The following SLC25A21 variants were observed in gnomAD, a reference collection of about 807,000 sequenced individuals.
SLC25A21 encodes solute carrier family 25 member 21.
SLC25A21 carries 47 observed loss-of-function variants against 43.8 expected under a neutral mutation model. That is an observed-to-expected ratio of 1.07 (90% CI 0.85 to 1.37). SLC25A21 has a LOEUF of 1.37. SLC25A21 is among the 40% of genes most tolerant of loss of function. SLC25A21 has a pLI of 0.00. For synonymous variants in SLC25A21, 131 were observed against 121.3 expected, an observed-to-expected ratio of 1.08 and a Z score of -0.52; for missense variants, 352 against 350.2, an observed-to-expected ratio of 1.00 and a Z score of -0.04.
At chr14:36,902,435 A>G (rs540090855) in intron 1 of SLC25A21, among the ~76,000 whole-genome samples, 5 of 124,920 alleles carry the variant, frequency 4.0e-5, no homozygotes, top group African/African-American at 1.6e-4. Context: ...AGTATCGTAT[A>G]GTAAAACACA....
chr14:36,704,540 C>G (rs1474532367), intron 7 of SLC25A21, among the ~76,000 whole-genome samples: 1 of 151,646 alleles, frequency 6.6e-6, no homozygotes, highest in African/African-American at 2.4e-5. Flanking sequence ...ACCTGTAATC[C>G]CAGCTACTCA....
At chr14:36,884,819 G>C (rs1890867158) in intron 1 of SLC25A21, among the ~76,000 whole-genome samples, 1 of 151,886 alleles carries the variant, frequency 6.6e-6, no homozygotes, top group Non-Finnish European at 1.5e-5. Flanking sequence ...ATTTTTAATG[G>C]GGTATCTGTT....
At chr14:36,905,364 A>T (rs1238980425) in intron 1 of SLC25A21, among the ~76,000 whole-genome samples, 20 of 152,170 alleles carry the variant, frequency 1.3e-4, no homozygotes, top group Admixed American at 1.0e-3. Flanking sequence ...AACTTTCTCA[A>T]TGCATATTGA....
intron 1 of SLC25A21, among the ~76,000 whole-genome samples, chr14:36,903,353 T>TA (rs1210354093): frequency 1.3e-5 from 2 of 152,050 alleles, no homozygotes; most frequent in Non-Finnish European, 2.9e-5. Context: ...AGTGTTCTTT[T>TA]AAAAATAAAT....
intron 3 of SLC25A21, among the ~76,000 whole-genome samples, chr14:36,769,191 G>T (rs900754198): frequency 3.9e-5 from 6 of 152,158 alleles, no homozygotes; most frequent in African/African-American, 1.4e-4. Flanking sequence ...TGATCACGGG[G>T]CTCCTCCTCA....
At chr14:36,894,047 T>C (rs1253647114) in intron 1 of SLC25A21, among the ~76,000 whole-genome samples, 5 of 152,210 alleles carry the variant, frequency 3.3e-5, no homozygotes, top group Admixed American at 3.3e-4. Flanking sequence ...CCATATGAAC[T>C]TTAAAGTAGT....
chr14:36,789,570 T>C (rs1284357778), intron 3 of SLC25A21, among the ~76,000 whole-genome samples: 2 of 150,470 alleles, frequency 1.3e-5, no homozygotes, highest in African/African-American at 2.4e-5. Flanking sequence ...ACAAACATGT[T>C]TGTAGGCAAG....
intron 1 of SLC25A21, among the ~76,000 whole-genome samples, chr14:36,904,991 T>C (rs187035951): frequency 6.6e-6 from 1 of 152,318 alleles, no homozygotes; most frequent in African/African-American, 2.4e-5. Context: ...CCTATTTAGA[T>C]ATGATTAGAA....
intron 1 of SLC25A21, among the ~76,000 whole-genome samples, chr14:37,018,839 A>G (rs1217759819): frequency 1.3e-5 from 2 of 152,100 alleles, no homozygotes; most frequent in South Asian, 4.2e-4. Flanking sequence ...CTGACTAATG[A>G]CATTATTTTT....
intron 3 of SLC25A21, among the ~76,000 whole-genome samples, chr14:36,795,652 CATG>C (rs1304110787): frequency 6.6e-6 from 1 of 152,108 alleles, no homozygotes; most frequent in Non-Finnish European, 1.5e-5. Context: ...ACTGTGGATC[CATG>C]ATGGACAGTG....
At chr14:37,143,490 A>T (rs1175659541) in intron 1 of SLC25A21, among the ~76,000 whole-genome samples, 1 of 152,262 alleles carries the variant, frequency 6.6e-6, no homozygotes, top group Non-Finnish European at 1.5e-5. Context: ...TGAAAAGCAG[A>T]TTGTAAACAG....
intron 4 of SLC25A21, 28 bp downstream of exon 4, chr14:36,734,479 G>T (rs764702904): frequency 1.9e-6 from 3 of 1,577,076 alleles, no homozygotes; most frequent in Non-Finnish European, 2.6e-6. Context: ...CCCTACTTTT[G>T]CTTGGTGCGA....
chr14:36,801,130 C>G (rs1051291398), intron 3 of SLC25A21, among the ~76,000 whole-genome samples: 1 of 152,108 alleles, frequency 6.6e-6, no homozygotes, highest in South Asian at 2.1e-4. Context: ...GCTTACAGAG[C>G]CCTTCCACCT....
At chr14:37,083,775 A>G (rs1436135062) in intron 1 of SLC25A21, among the ~76,000 whole-genome samples, 1 of 152,182 alleles carries the variant, frequency 6.6e-6, no homozygotes, top group African/African-American at 2.4e-5. Flanking sequence ...TCTATGTTTA[A>G]CCAAGCCCTC....
At chr14:37,051,741 T>C (rs1961710756) in intron 1 of SLC25A21, among the ~76,000 whole-genome samples, 2 of 152,202 alleles carry the variant, frequency 1.3e-5, no homozygotes, top group South Asian at 4.1e-4. Context: ...GGCCACCTGG[T>C]AGTTGCTGTG....
chr14:37,048,376 C>A (rs535197776), intron 1 of SLC25A21, among the ~76,000 whole-genome samples: 2 of 152,012 alleles, frequency 1.3e-5, no homozygotes, highest in South Asian at 4.2e-4. Context: ...TCATCATAAA[C>A]CGGGTTATGT....
rs1886944641 is a variant in SLC25A21, at chr14:36,779,222, T to C, written c.203+34696A>G. 2.0e-5 allele frequency among the ~76,000 whole-genome samples: 3 copies of C among 146,678 alleles called. No individual in the cohort carries two copies. The South Asian group carries it at 6.3e-4, about 31-fold the overall frequency. On this transcript the variant is annotated intron_variant, in intron 3 of 9. Transcript: ENST00000331299. ...TATATAATATTACATATATTACATATTCTTATATATAAGATATAGATAATA... is the reference window on the plus strand; with the variant it reads ...TATATAATATTACATATATTACATACTCTTATATATAAGATATAGATAATA...
At chr14:37,159,409 T>C (rs1963902660) in intron 1 of SLC25A21, among the ~76,000 whole-genome samples, 1 of 151,892 alleles carries the variant, frequency 6.6e-6, no homozygotes, top group Admixed American at 6.6e-5. Flanking sequence ...ATAGAGAAAC[T>C]AGGAATAAAT....
At chr14:37,124,233 T>C (rs1245778055) in intron 1 of SLC25A21, among the ~76,000 whole-genome samples, 1 of 152,046 alleles carries the variant, frequency 6.6e-6, no homozygotes, top group Non-Finnish European at 1.5e-5. Flanking sequence ...ACTGAGCACT[T>C]TGAGAGCCAC....
Sources: allele counts gnomAD v4.1 joint callset (sites outside exome capture counted in the v4.1 genomes callset), GRCh38; gene constraint gnomAD v4.1.1; transcripts MANE v1.5; gene names NCBI Gene and HGNC (gene_info 2026-07-23, HGNC 2026-07-21).